TMCC1: variants seen among roughly 807,000 people sequenced by gnomAD.
The protein encoded by TMCC1 is transmembrane and coiled-coil domain family 1, also known as transmembrane and coiled-coil domains protein 1.
In TMCC1, 15 loss-of-function variants were observed where a neutral mutation model predicts 52.4. The observed-to-expected ratio is 0.29, with a 90% CI of 0.19 to 0.44. The LOEUF (loss-of-function observed/expected upper bound fraction) is 0.44. Among genes scored for constraint, TMCC1 ranks in the 20% least tolerant of loss-of-function variants. The pLI, the probability that TMCC1 is intolerant of heterozygous loss-of-function variation, is 1.00. For synonymous variants in TMCC1, 279 were observed against 301.9 expected, an observed-to-expected ratio of 0.92 and a Z score of 0.79; for missense variants, 503 against 806.0, an observed-to-expected ratio of 0.62 and a Z score of 4.55.
chr3:129,860,257 A>G (rs2060327854), intron 2 of TMCC1, among the ~76,000 whole-genome samples: 1 of 152,042 alleles, frequency 6.6e-6, no homozygotes, highest in Non-Finnish European at 1.5e-5. Context: ...TTTTTTTAAT[A>G]GAGATGAGGT....
chr3:129,786,928 G>T (rs1214958047), intron 4 of TMCC1, among the ~76,000 whole-genome samples: 1 of 152,026 alleles, frequency 6.6e-6, no homozygotes, highest in African/African-American at 2.4e-5. Context: ...TTCTCAAATC[G>T]GAATTATCCA....
At chr3:129,753,342 G>C (rs2052700014) in intron 4 of TMCC1, among the ~76,000 whole-genome samples, 1 of 152,116 alleles carries the variant, frequency 6.6e-6, no homozygotes, top group Admixed American at 6.5e-5. Context: ...CAGTAATAAA[G>C]AAATCAAGCT....
At chr3:129,693,503 ATTTTT>A (rs11433105) in intron 4 of TMCC1, among the ~76,000 whole-genome samples, 18 of 122,014 alleles carry the variant, frequency 1.5e-4, no homozygotes, top group Admixed American at 9.3e-4. Flanking sequence ...CCAAGATTGA[ATTTTT>A]TTTTTTTTTT....
rs545335961 is a variant in TMCC1 at position 129,688,748 on chromosome 3, T to C, written c.577-17484A>G. ...CTAATGCAAATGAATAGTTTGACTC[T>C]GAGAATGGAGATCACAGACAGTATC... On this transcript the variant is annotated intron_variant, in intron 4 of 6. Transcript: ENST00000393238. The C allele has an allele frequency of 4.1e-6, 4 of 985,460 alleles. No individual in the cohort carries two copies. The South Asian group carries it at 1.9e-4, about 46-fold the overall frequency. The allele number at this position is 985,460 out of a possible 1,614,324, so 61.0% of individuals were successfully genotyped here. A position where few individuals can be genotyped will look rare whatever the true frequency, so the allele number is the denominator to read the frequency against.
At chr3:129,775,264 G>C (rs1307734765) in intron 4 of TMCC1, among the ~76,000 whole-genome samples, 1 of 152,040 alleles carries the variant, frequency 6.6e-6, no homozygotes, top group Middle Eastern at 3.2e-3. Context: ...GGGCAACAAA[G>C]CATGACAACC....
At chr3:129,813,952 CA>C (rs1190704744) in intron 4 of TMCC1, among the ~76,000 whole-genome samples, 3 of 151,104 alleles carry the variant, frequency 2.0e-5, no homozygotes, top group Non-Finnish European at 4.4e-5. Context: ...ATTGTTCATC[CA>C]TTCTAAACTT....
intron 4 of TMCC1, among the ~76,000 whole-genome samples, chr3:129,714,972 A>G (rs567865918): frequency 5.4e-4 from 83 of 152,324 alleles, no homozygotes; most frequent in Non-Finnish European, 9.6e-4. Context: ...TATCTGAAAA[A>G]TAATACTGGA....
chr3:129,807,842 A>G (rs2057550126), intron 4 of TMCC1, among the ~76,000 whole-genome samples: 1 of 152,176 alleles, frequency 6.6e-6, no homozygotes. Context: ...TAAGGCTCAT[A>G]GAGTGTACAT....
At chr3:129,781,953 G>C (rs571373644) in intron 4 of TMCC1, among the ~76,000 whole-genome samples, 1 of 152,188 alleles carries the variant, frequency 6.6e-6, no homozygotes, top group Admixed American at 6.5e-5. Flanking sequence ...GATATACTGG[G>C]AATAAGAAAG....
At chr3:129,781,327 T>G (rs1246311060) in intron 4 of TMCC1, among the ~76,000 whole-genome samples, 1 of 152,166 alleles carries the variant, frequency 6.6e-6, no homozygotes, top group African/African-American at 2.4e-5. Flanking sequence ...ATGAACTATG[T>G]GGAGACATTT....
chr3:129,707,238 G>A (rs1448156649), intron 4 of TMCC1, among the ~76,000 whole-genome samples: 2 of 152,088 alleles, frequency 1.3e-5, no homozygotes, highest in Admixed American at 6.6e-5. Context: ...ATATCTGTTG[G>A]ATGAGTAAGA....
At position 129,705,023 on chromosome 3, in the gene TMCC1, T is replaced by C. The variant is rs187976575; in HGVS notation, c.577-33759A>G. ...TACTGGGGTCAACAGACAATTCTAA[T>C]AGAGAAAGTACAGAAAATTAATGTC... On this transcript the variant is annotated intron_variant, in intron 4 of 6. Coordinates refer to ENST00000393238, the MANE Select transcript of TMCC1 (RefSeq NM_001017395.5). Among the ~76,000 whole-genome samples the C allele has an allele frequency of 4.9e-4, 74 of 152,298 alleles. No individual in the cohort carries two copies. In the East Asian group the frequency reaches 0.012, roughly 24 times the overall value.
intron 4 of TMCC1, among the ~76,000 whole-genome samples, chr3:129,769,585 C>T (rs1405436813): frequency 2.8e-5 from 4 of 144,376 alleles, no homozygotes; most frequent in East Asian, 2.0e-4. Flanking sequence ...CATTAGCTAT[C>T]GTTAGTGTAT....
At position 129,801,186 on chromosome 3, in the gene TMCC1, G is replaced by A. The variant is rs574627446; in HGVS notation, c.576+26617C>T. ...GATCTGCCTGCCTCGGCCTCCCAAA[G>A]TGCTTGCTAGGATTACAGGCGTGAG... On this transcript the variant is annotated intron_variant, in intron 4 of 6. Coordinates refer to ENST00000393238, the MANE Select transcript of TMCC1 (RefSeq NM_001017395.5). Among the ~76,000 whole-genome samples, 4 of 152,104 alleles carry A rather than the reference G, an allele frequency of 2.6e-5. No individual in the cohort carries two copies. In the South Asian group the frequency reaches 8.3e-4, roughly 32 times the overall value.
At chr3:129,716,329 A>ATTTT (rs71155569) in intron 4 of TMCC1, among the ~76,000 whole-genome samples, 2 of 73,646 alleles carry the variant, frequency 2.7e-5, no homozygotes, top group African/African-American at 8.0e-5. Context: ...CACCTGGCAA[A>ATTTT]TTTTTTTTTT....
At chr3:129,795,317 C>A (rs2056748767) in intron 4 of TMCC1, among the ~76,000 whole-genome samples, 1 of 152,224 alleles carries the variant, frequency 6.6e-6, no homozygotes, top group South Asian at 2.1e-4. Flanking sequence ...TGCCACTCTT[C>A]CTCTGTTTGG....
chr3:129,780,248 T>C (rs1408079258), intron 4 of TMCC1, among the ~76,000 whole-genome samples: 1 of 152,160 alleles, frequency 6.6e-6, no homozygotes, highest in Non-Finnish European at 1.5e-5. Flanking sequence ...ATTACAAGAT[T>C]TGTATATTTA....
At position 129,670,863 on chromosome 3, in the gene TMCC1, G is replaced by A. The variant is rs200523493; in HGVS notation, c.978C>T (p.His326=). The A allele has an allele frequency of 3.1e-6, 5 of 1,614,142 alleles. No individual in the cohort carries two copies. The East Asian group carries it at 6.7e-5, about 22-fold the overall frequency. Residue 326 remains histidine, a synonymous_variant, in exon 5 of 7, where the codon CAC becomes CAT. Transcript: ENST00000393238. ...RQPKDVFRDM[H]QGLKDVGAKV... ...TTGCTCCTACATCCTTCAGACCCTG[G>A]TGCATGTCCCTGAAGACATCCTTTG...
At position 129,651,313 on chromosome 3, in the gene TMCC1, A is replaced by G. The variant is rs2086306330; in HGVS notation, c.*168T>C. The G allele has an allele frequency of 5.2e-6, 4 of 766,478 alleles. No individual in the cohort carries two copies. Among genetic ancestry groups the G allele is most frequent in the Non-Finnish European group, 8.0e-6 (4 of 500,048 alleles). 47.5% of individuals were successfully genotyped at this position (766,478 alleles called of 1,614,324 possible). A position where few individuals can be genotyped will look rare whatever the true frequency, so the allele number is the denominator to read the frequency against. On this transcript the variant is annotated 3_prime_UTR_variant, in exon 7 of 7. Transcript: ENST00000393238. This position sits in a 1 kb window ranked among gnomAD's most constrained non-coding sequence, Gnocchi z 5.1. The stretch of plus-strand genomic sequence containing the variant: ...AAACTTCTTGGATAAAATCTAAAAA[A>G]TACTATTGCAATTGCGTCTCTTGAA...
Sources: allele counts gnomAD v4.1 joint callset (sites outside exome capture counted in the v4.1 genomes callset), GRCh38; gene constraint gnomAD v4.1.1; non-coding constraint Gnocchi (gnomAD v3.1); transcripts MANE v1.5; gene names NCBI Gene and HGNC (gene_info 2026-07-23, HGNC 2026-07-21).